CLNK: variants seen among roughly 807,000 people sequenced by gnomAD.
CLNK encodes cytokine dependent hematopoietic cell linker.
A neutral mutation model predicts 68.6 loss-of-function variants in CLNK; 74 were observed. That is an observed-to-expected ratio of 1.08 (90% CI 0.89 to 1.31). CLNK has a LOEUF of 1.31. Ranked by LOEUF, CLNK falls within the 50% of genes most tolerant of loss-of-function variation. CLNK has a pLI of 0.00. For missense variants in CLNK, 553 were observed against 515.3 expected, an observed-to-expected ratio of 1.07 and a Z score of -0.71; for synonymous variants, 198 against 172.2, an observed-to-expected ratio of 1.15 and a Z score of -1.17.
At chr4:10,527,681 T>C (rs1449800996) in intron 13 of CLNK, among the ~76,000 whole-genome samples, 1 of 152,224 alleles carries the variant, frequency 6.6e-6, no homozygotes, top group East Asian at 1.9e-4. Flanking sequence ...GGCACGTGTG[T>C]ACATGTATGT....
intron 11 of CLNK, among the ~76,000 whole-genome samples, chr4:10,538,128 A>AT (rs1016858595): frequency 2.6e-5 from 4 of 152,132 alleles, no homozygotes; most frequent in South Asian, 2.1e-4. Flanking sequence ...TTATATATTT[A>AT]TTTTTTTGAG....
chr4:10,698,168 A>G, the CLNK span, among the ~76,000 whole-genome samples: 1 of 152,174 alleles, frequency 6.6e-6, no homozygotes, highest in African/African-American at 2.4e-5. Flanking sequence ...ATGTGTCTGT[A>G]AATTGGAAGC....
upstream of CLNK, among the ~76,000 whole-genome samples, chr4:10,689,374 A>G (rs1358032340): frequency 6.6e-6 from 1 of 152,046 alleles, no homozygotes; most frequent in Non-Finnish European, 1.5e-5. Flanking sequence ...GTCTCAAGCA[A>G]TCCTCCCATT....
At chr4:10,507,088 A>G (rs1717329829) in intron 17 of CLNK, among the ~76,000 whole-genome samples, 1 of 150,546 alleles carries the variant, frequency 6.6e-6, no homozygotes, top group South Asian at 2.1e-4. Flanking sequence ...TACAGGCATG[A>G]GCCACCGCGT....
the CLNK span, among the ~76,000 whole-genome samples, chr4:10,718,662 G>A: frequency 7.3e-5 from 11 of 151,256 alleles, no homozygotes; most frequent in African/African-American, 2.4e-4. Flanking sequence ...AATGGCTAAA[G>A]GAAGTTCTCT....
Position 10,673,871 on chromosome 4 carries a change from C to A in CLNK, c.-42-5960G>T, listed in dbSNP as rs536318815. 4.6e-5 allele frequency among the ~76,000 whole-genome samples: 7 copies of A among 152,298 alleles called. No individual in the cohort carries two copies. The South Asian group carries it at 1.5e-3, about 32-fold the overall frequency. On this transcript the variant is annotated intron_variant, in intron 1 of 18. Coordinates refer to ENST00000226951, the MANE Select transcript of CLNK (RefSeq NM_052964.4). ...CAGATCAAAGAGTATGCAACATCTT[C>A]TTGCCTTGATTCGGAGACCTTGAGA...
chr4:10,518,695 C>G (rs1717938946), intron 15 of CLNK, among the ~76,000 whole-genome samples: 2 of 152,148 alleles, frequency 1.3e-5, no homozygotes, highest in Admixed American at 6.5e-5. Context: ...TGAGCCAAAT[C>G]TGTTTATCAG....
intron 18 of CLNK, among the ~76,000 whole-genome samples, chr4:10,498,756 C>G (rs887777801): frequency 7.2e-5 from 11 of 152,218 alleles, no homozygotes; most frequent in Non-Finnish European, 1.6e-4. Context: ...ATCCTCTCCA[C>G]AAAATGAAGA....
intron 1 of CLNK, among the ~76,000 whole-genome samples, chr4:10,673,810 G>GTC (rs1405459729): frequency 6.6e-6 from 1 of 151,990 alleles, no homozygotes; most frequent in African/African-American, 2.4e-5. Flanking sequence ...AGCCTTGCAG[G>GTC]TCTTTCTCCA....
intron 2 of CLNK, among the ~76,000 whole-genome samples, chr4:10,619,228 A>G (rs1280758850): frequency 6.6e-6 from 1 of 152,226 alleles, no homozygotes; most frequent in Non-Finnish European, 1.5e-5. Context: ...ATGCCTAGCT[A>G]TCTCCAAAGG....
intron 12 of CLNK, among the ~76,000 whole-genome samples, chr4:10,530,887 G>GGACTC (rs1472092215): frequency 1.3e-5 from 2 of 152,180 alleles, no homozygotes; most frequent in Non-Finnish European, 2.9e-5. Context: ...TCCCAGAAGA[G>GGACTC]CATGAGCCTG....
At position 10,515,237 on chromosome 4, in the gene CLNK, C is replaced by CA. The variant is rs575002968; in HGVS notation, c.773-1641dup. Among the ~76,000 whole-genome samples the CA allele has an allele frequency of 9.7e-3, 1,452 of 150,024 alleles. 18 individuals are homozygous for CA. The highest frequency in any genetic ancestry group is 0.023 in the South Asian group (111 of 4,742). ...TGGGCAACAGAGCAAGACTCCATCT[C>CA]AAAAAAAAAGAATTCTGATATGATT... is the stretch of plus-strand genomic sequence containing the variant. On this transcript the variant is annotated intron_variant, in intron 15 of 18. Transcript: ENST00000226951.
intron 11 of CLNK, among the ~76,000 whole-genome samples, chr4:10,539,207 G>A (rs1240069968): frequency 6.6e-6 from 1 of 152,204 alleles, no homozygotes; most frequent in Admixed American, 6.5e-5. Context: ...GCAGTTGAAA[G>A]GGGGACAGAA....
rs1258648474 is a variant in CLNK at position 10,610,952 on chromosome 4, G to C, written c.12-12903C>G. Among the ~76,000 whole-genome samples the C allele has an allele frequency of 3.3e-5, 5 of 152,216 alleles. No individual in the cohort carries two copies. The South Asian group carries it at 1.0e-3, about 32-fold the overall frequency. ...TAATCCCAGCGATTTGGGAGGCCGA[G>C]GCAGGCGGATCACTTGAGGTCAGGA... On this transcript the variant is annotated intron_variant, in intron 2 of 18. Transcript: ENST00000226951.
At chr4:10,679,897 G>C (rs1725027603) in intron 1 of CLNK, among the ~76,000 whole-genome samples, 1 of 152,130 alleles carries the variant, frequency 6.6e-6, no homozygotes, top group South Asian at 2.1e-4. Flanking sequence ...GGAGAAATAG[G>C]AACACTTTTA....
the CLNK span, among the ~76,000 whole-genome samples, chr4:10,722,735 C>T: frequency 6.6e-6 from 1 of 152,182 alleles, no homozygotes; most frequent in Non-Finnish European, 1.5e-5. Context: ...AGCACCATTA[C>T]AAAATTTTCT....
At position 10,626,602 on chromosome 4, in the gene CLNK, A is replaced by G. The variant is rs189114621; in HGVS notation, c.12-28553T>C. 5.3e-5 allele frequency among the ~76,000 whole-genome samples: 8 copies of G among 152,352 alleles called. No homozygotes were observed. In the East Asian group the frequency reaches 1.5e-3, roughly 29 times the overall value. ...AAAAAAACAGGAAAATAAAAATCGT[A>G]TAATACAAACGATATATTCTGGTTT... On this transcript the variant is annotated intron_variant, in intron 2 of 18. Coordinates refer to ENST00000226951, the MANE Select transcript of CLNK (RefSeq NM_052964.4).
At chr4:10,671,157 G>A (rs529588011) in intron 1 of CLNK, among the ~76,000 whole-genome samples, 31 of 152,130 alleles carry the variant, frequency 2.0e-4, no homozygotes, top group African/African-American at 4.6e-4. Flanking sequence ...AGGCCGAGGC[G>A]ACTGGATCAC....
At chr4:10,514,954 G>A (rs937611779) in intron 15 of CLNK, among the ~76,000 whole-genome samples, 8 of 152,086 alleles carry the variant, frequency 5.3e-5, no homozygotes, top group African/African-American at 1.9e-4. Context: ...ATGTAATTCT[G>A]GGCCGGGTGT....
Sources: allele counts gnomAD v4.1 joint callset (sites outside exome capture counted in the v4.1 genomes callset), GRCh38; gene constraint gnomAD v4.1.1; transcripts MANE v1.5; gene names NCBI Gene and HGNC (gene_info 2026-07-23, HGNC 2026-07-21).